RBPMS: variants seen among roughly 807,000 people sequenced by gnomAD.
RBPMS encodes the protein RNA binding protein, mRNA processing factor, also known as RNA-binding protein with multiple splicing.
RBPMS carries 7 observed loss-of-function variants against 26.8 expected under a neutral mutation model. The ratio of observed to expected loss-of-function variants is 0.26; its 90% confidence interval spans 0.15 to 0.49. The LOEUF (loss-of-function observed/expected upper bound fraction) is 0.49, where lower values mean the gene tolerates loss of function less well. Ranked by LOEUF, RBPMS falls within the 20% of genes least tolerant of loss-of-function variation. The pLI, the probability that RBPMS is intolerant of heterozygous loss-of-function variation, is 0.98. For synonymous variants in RBPMS, 96 were observed against 93.3 expected (o/e 1.03, Z -0.17); for missense variants, 186 against 250.0 (o/e 0.74, Z 1.73).
At chr8:30,417,193 T>C (rs1777285481) in intron 1 of RBPMS, among the ~76,000 whole-genome samples, 1 of 152,210 alleles carries the variant, frequency 6.6e-6, no homozygotes, top group South Asian at 2.1e-4. Context: ...TTGTGAACAC[T>C]GGTAGGTTTG....
intron 1 of RBPMS, among the ~76,000 whole-genome samples, chr8:30,437,253 G>A (rs1166682262): frequency 6.6e-6 from 1 of 151,730 alleles, no homozygotes; most frequent in African/African-American, 2.4e-5. Flanking sequence ...AGATTTGTTG[G>A]GATTATAAGT....
At chr8:30,487,852 A>G (rs920073560) in intron 4 of RBPMS, among the ~76,000 whole-genome samples, 18 of 152,166 alleles carry the variant, frequency 1.2e-4, no homozygotes, top group Non-Finnish European at 1.5e-4. Flanking sequence ...CTTCTTTTCT[A>G]AAAATCTAGT....
At chr8:30,554,103 C>G (rs1826631746) in intron 6 of RBPMS, among the ~76,000 whole-genome samples, 1 of 152,190 alleles carries the variant, frequency 6.6e-6, no homozygotes, top group South Asian at 2.1e-4. Context: ...CTATTTTGTT[C>G]AAAGAGGGAT....
chr8:30,486,065 T>G (rs1319544227), intron 4 of RBPMS, among the ~76,000 whole-genome samples: 2 of 152,186 alleles, frequency 1.3e-5, no homozygotes, highest in Non-Finnish European at 2.9e-5. Context: ...AAAAGCGCCT[T>G]GCCAGGAGCA....
At chr8:30,544,439 AT>A in intron 5 of RBPMS, 54 bp from the exon 6 acceptor site, 21 of 1,565,102 alleles carry the variant, frequency 1.3e-5, no homozygotes, top group Non-Finnish European at 1.7e-5. Context: ...TTGTTTTCTG[AT>A]TTGAAACTAG....
intron 8 of RBPMS, among the ~76,000 whole-genome samples, chr8:30,566,892 GGCCTCTTAGTAGTTCATGGTTTTA>G (rs1317373460): frequency 3.3e-5 from 5 of 152,070 alleles, no homozygotes; most frequent in African/African-American, 1.2e-4. Flanking sequence ...CCAGACTGTG[GGCCTCTTAGTAGTTCATGGTTTTA>G]GCTTAGTAGT....
intron 1 of RBPMS, among the ~76,000 whole-genome samples, chr8:30,432,440 A>G (rs1384489615): frequency 2.6e-5 from 4 of 152,218 alleles, no homozygotes; most frequent in African/African-American, 9.6e-5. Context: ...AGAGGTGCCC[A>G]TGACTTCTTT....
intron 6 of RBPMS, chr8:30,545,357 T>A: frequency 1.7e-6 from 2 of 1,149,106 alleles, no homozygotes; most frequent in South Asian, 3.9e-5. Context: ...AATATTTCTC[T>A]TAGCTTCGCT....
chr8:30,445,762 G>T (rs1261742878), intron 1 of RBPMS, among the ~76,000 whole-genome samples: 1 of 150,722 alleles, frequency 6.6e-6, no homozygotes, highest in Non-Finnish European at 1.5e-5. Flanking sequence ...CGACCAACTG[G>T]GCTCCAGCGA....
chr8:30,424,980 T>A (rs1811192024), intron 1 of RBPMS, among the ~76,000 whole-genome samples: 1 of 152,078 alleles, frequency 6.6e-6, no homozygotes, highest in African/African-American at 2.4e-5. Context: ...GAGACAGGGT[T>A]TCACTCTGTC....
chr8:30,483,485 A>C (rs1818483211), intron 4 of RBPMS, among the ~76,000 whole-genome samples: 1 of 152,096 alleles, frequency 6.6e-6, no homozygotes, highest in Non-Finnish European at 1.5e-5. Context: ...GTGAACCTCC[A>C]AGTTCAGTGT....
chr8:30,385,049 C>T lies in RBPMS; in HGVS notation c.-44C>T, dbSNP rs751416162. ...TGGGCTAGCGCGCCCTCGCCCAGCCCCGCGCCCCAGCCCTGCCCGGCCCGG... is the reference window on the plus strand; with the variant it reads ...TGGGCTAGCGCGCCCTCGCCCAGCCTCGCGCCCCAGCCCTGCCCGGCCCGG... On this transcript the variant is annotated 5_prime_UTR_variant, in exon 1 of 9. Transcript: ENST00000397323. 25 of 1,460,004 alleles carry T rather than the reference C, an allele frequency of 1.7e-5. 1 individual carries two copies. The Middle Eastern group carries it at 4.0e-3, about 231-fold the overall frequency. 90.4% of individuals were successfully genotyped at this position (1,460,004 alleles called of 1,614,324 possible). A position where few individuals can be genotyped will look rare whatever the true frequency, so the allele number is the denominator to read the frequency against.
intron 1 of RBPMS, among the ~76,000 whole-genome samples, chr8:30,440,538 T>A (rs1374463091): frequency 2.6e-5 from 4 of 152,194 alleles, no homozygotes; most frequent in African/African-American, 9.7e-5. Flanking sequence ...TTTTTAAGGC[T>A]TCCATCGTAT....
chr8:30,411,847 G>A (rs1030214759), intron 1 of RBPMS, among the ~76,000 whole-genome samples: 8 of 151,734 alleles, frequency 5.3e-5, no homozygotes, highest in African/African-American at 1.9e-4. Flanking sequence ...TTAGCTGGGC[G>A]TTGTGGTCTG....
rs1238810015 is a variant in RBPMS, at chr8:30,570,758, A to ATAAT, written c.*235_*238dup. The ATAAT allele has an allele frequency of 6.5e-6, 1 of 152,684 alleles. No individual in the cohort carries two copies. The highest frequency in any genetic ancestry group is 1.5e-5 in the Non-Finnish European group (1 of 68,050). 9.5% of individuals were successfully genotyped at this position (152,684 alleles called of 1,614,324 possible). Reference sequence around the variant, plus strand: ...AAAATGTTTTACTCTTTTACACTGTATAATTGTAAGAAATAGCGTATTATT... The same window carrying ATAAT: ...AAAATGTTTTACTCTTTTACACTGTATAATTAATTGTAAGAAATAGCGTATTATT... On this transcript the variant is annotated 3_prime_UTR_variant, in exon 9 of 9. Transcript: ENST00000397323.
intron 6 of RBPMS, chr8:30,556,527 T>A: frequency 4.1e-6 from 4 of 986,358 alleles, no homozygotes; most frequent in Non-Finnish European, 4.8e-6. Flanking sequence ...GTGTCTCCTG[T>A]GAAACACCGT....
intron 1 of RBPMS, among the ~76,000 whole-genome samples, chr8:30,388,084 T>G (rs1807323701): frequency 6.6e-6 from 1 of 152,178 alleles, no homozygotes. Flanking sequence ...AATGTATTAT[T>G]ACATTAAATA....
At chr8:30,392,923 C>T (rs1807954540) in intron 1 of RBPMS, among the ~76,000 whole-genome samples, 1 of 152,110 alleles carries the variant, frequency 6.6e-6, no homozygotes, top group Admixed American at 6.5e-5. Flanking sequence ...AATTCAAGAA[C>T]ATAGAGCTGA....
intron 5 of RBPMS, among the ~76,000 whole-genome samples, chr8:30,519,202 C>G (rs1208475937): frequency 6.6e-6 from 1 of 152,006 alleles, no homozygotes; most frequent in African/African-American, 2.4e-5. Context: ...GGGTATGTGT[C>G]TAATTCTCTC....
Sources: allele counts gnomAD v4.1 joint callset (sites outside exome capture counted in the v4.1 genomes callset), GRCh38; gene constraint gnomAD v4.1.1; transcripts MANE v1.5; gene names NCBI Gene and HGNC (gene_info 2026-07-23, HGNC 2026-07-21).